NRG3: variants seen among roughly 807,000 people sequenced by gnomAD.
NRG3 encodes the protein neuregulin 3.
A neutral mutation model predicts 66.9 loss-of-function variants in NRG3; 31 were observed. That is an observed-to-expected ratio of 0.46 (90% CI 0.35 to 0.63). NRG3 has a LOEUF of 0.63. NRG3 is among the 20% of genes least tolerant of loss of function. The pLI is 0.00. For missense variants in NRG3, 910 were observed against 878.9 expected (o/e 1.04, Z -0.45); for synonymous variants, 393 against 359.4 (o/e 1.09, Z -1.06).
chr10:82,796,446 C>G (rs2060804979), intron 3 of NRG3, among the ~76,000 whole-genome samples: 1 of 152,030 alleles, frequency 6.6e-6, no homozygotes, highest in South Asian at 2.1e-4. Context: ...CCCTCTGGAC[C>G]CTGTGGACTC....
At chr10:82,262,691 T>A (rs577814649) in intron 1 of NRG3, among the ~76,000 whole-genome samples, 1 of 152,186 alleles carries the variant, frequency 6.6e-6, no homozygotes, top group Non-Finnish European at 1.5e-5. Flanking sequence ...GTGTCACAGG[T>A]CATAGGTGGG....
chr10:81,902,139 C>A (rs1169717053), intron 1 of NRG3, among the ~76,000 whole-genome samples: 1 of 152,130 alleles, frequency 6.6e-6, no homozygotes, highest in Non-Finnish European at 1.5e-5. Context: ...TATAATTAAC[C>A]TCACAGGGCA....
chr10:82,386,578 A>T (rs555429391), intron 2 of NRG3, among the ~76,000 whole-genome samples: 2 of 152,138 alleles, frequency 1.3e-5, no homozygotes, highest in African/African-American at 4.8e-5. Context: ...AAGAAATCTT[A>T]TCGAACATTT....
At chr10:82,957,239 G>A (rs890219233) in intron 5 of NRG3, among the ~76,000 whole-genome samples, 8 of 151,928 alleles carry the variant, frequency 5.3e-5, no homozygotes, top group African/African-American at 1.9e-4. Context: ...ATTTACAGAG[G>A]AGGAAATGGA....
In NRG3 at chr10:82,898,913, A is replaced by G. The variant is rs139925244; in HGVS notation, c.1054+33476A>G. 3.1e-3 allele frequency among the ~76,000 whole-genome samples: 463 copies of G among 151,638 alleles called. 8 individuals are homozygous for G. Among genetic ancestry groups the G allele is most frequent in the African/African-American group, 1.0e-2 (412 of 41,326 alleles). ...TTTTTAGTAGAGACAAAGTTTCACC[A>G]TGTTAGCCAGAGGGTCTCAATCTCC... On this transcript the variant is annotated intron_variant, in intron 4 of 8. Transcript: ENST00000372141.
intron 2 of NRG3, among the ~76,000 whole-genome samples, chr10:82,387,579 A>C: frequency 6.6e-6 from 1 of 152,170 alleles, no homozygotes; most frequent in East Asian, 1.9e-4. Context: ...TAAATTTAAT[A>C]CTTTTAATAG....
intron 2 of NRG3, among the ~76,000 whole-genome samples, chr10:82,516,746 T>C (rs566089984): frequency 4.7e-4 from 71 of 152,304 alleles, no homozygotes; most frequent in Non-Finnish European, 8.1e-4. Context: ...TCTTTCCAGA[T>C]TCATTATGTA....
chr10:82,871,726 C>G (rs1365237221), intron 4 of NRG3, among the ~76,000 whole-genome samples: 1 of 152,028 alleles, frequency 6.6e-6, no homozygotes, highest in Non-Finnish European at 1.5e-5. Flanking sequence ...TTGTTTATTA[C>G]TGGCATCTAG....
At chr10:82,565,528 T>C (rs11195037) in intron 2 of NRG3, among the ~76,000 whole-genome samples, 19,683 of 152,050 alleles carry the variant, frequency 0.13, 2,428 homozygotes, top group African/African-American at 0.32. Flanking sequence ...CAGATTTTGA[T>C]AGATAAGCCA....
intron 1 of NRG3, among the ~76,000 whole-genome samples, chr10:82,103,874 G>C (rs2066903831): frequency 6.6e-6 from 1 of 151,860 alleles, no homozygotes; most frequent in African/African-American, 2.4e-5. Flanking sequence ...AGAGGGAAAA[G>C]AAACAAACAA....
chr10:82,905,628 C>T (rs1044222538), intron 4 of NRG3, among the ~76,000 whole-genome samples: 2 of 152,130 alleles, frequency 1.3e-5, no homozygotes, highest in Non-Finnish European at 2.9e-5. Context: ...AATACACTGT[C>T]TTTCAGAATT....
intron 1 of NRG3, among the ~76,000 whole-genome samples, chr10:81,926,391 G>GATT (rs1388406387): frequency 6.6e-6 from 1 of 152,120 alleles, no homozygotes; most frequent in African/African-American, 2.4e-5. Context: ...AAATTGCTGG[G>GATT]ATTATAGGTG....
At position 82,715,898 on chromosome 10, in the gene NRG3, C is replaced by T. The variant is rs115144517; in HGVS notation, c.954-22679C>T. Among the ~76,000 whole-genome samples the T allele has an allele frequency of 6.6e-3, 1,011 of 152,178 alleles. 8 individuals carry two copies. Among genetic ancestry groups the T allele is most frequent in the African/African-American group, 0.023 (973 of 41,520 alleles). ...GCAGACTACCAACTTCTCCTTGTAT[C>T]CTCACATGGCAAAAAGACAGGGGGC... On this transcript the variant is annotated intron_variant, in intron 2 of 8. Coordinates refer to ENST00000372141, the MANE Select transcript of NRG3 (RefSeq NM_001010848.4).
intron 1 of NRG3, among the ~76,000 whole-genome samples, chr10:82,020,594 T>C (rs2062015514): frequency 6.6e-6 from 1 of 152,150 alleles, no homozygotes; most frequent in Admixed American, 6.6e-5. Flanking sequence ...TCAAAGACTT[T>C]CATAATCCTA....
intron 2 of NRG3, among the ~76,000 whole-genome samples, chr10:82,426,124 A>G (rs1341250593): frequency 6.6e-6 from 1 of 152,126 alleles, no homozygotes; most frequent in Non-Finnish European, 1.5e-5. Flanking sequence ...TATTATTTCC[A>G]TTGAGGGCAG....
intron 2 of NRG3, among the ~76,000 whole-genome samples, chr10:82,593,906 C>T (rs2047126167): frequency 6.6e-6 from 1 of 151,794 alleles, no homozygotes. Context: ...AAGTTGTAGA[C>T]ATTTCATTTA....
intron 1 of NRG3, among the ~76,000 whole-genome samples, chr10:82,009,149 G>A (rs182123365): frequency 2.0e-5 from 3 of 152,178 alleles, no homozygotes; most frequent in African/African-American, 4.8e-5. Flanking sequence ...AATGATTCTT[G>A]GATAAAAGGT....
chr10:82,797,678 T>G (rs762696748), intron 3 of NRG3, among the ~76,000 whole-genome samples: 1 of 152,132 alleles, frequency 6.6e-6, no homozygotes, highest in Non-Finnish European at 1.5e-5. Flanking sequence ...TCAACACCAC[T>G]CTCTACTTGC....
chr10:82,669,330 C>G (rs1388994780), intron 2 of NRG3, among the ~76,000 whole-genome samples: 1 of 151,254 alleles, frequency 6.6e-6, no homozygotes, highest in Admixed American at 6.6e-5. Context: ...TATTTGAAGA[C>G]TAGTCCCAGT....
Sources: gnomAD v4.1 joint callset for allele counts (sites outside exome capture counted in the v4.1 genomes callset) on GRCh38, gnomAD v4.1.1 for gene constraint, MANE v1.5 for transcripts, NCBI Gene and HGNC (gene_info 2026-07-23, HGNC 2026-07-21) for gene names.